The following CDH13 variants were observed in gnomAD, a reference collection of about 807,000 sequenced individuals.
CDH13 encodes the protein cadherin 13, also known as cadherin-13.
In CDH13, 24 loss-of-function variants were observed where a neutral mutation model predicts 63.8. The ratio of observed to expected loss-of-function variants is 0.38; its 90% confidence interval spans 0.27 to 0.53. The LOEUF is 0.53. Among genes scored for constraint, CDH13 ranks in the 20% least tolerant of loss-of-function variants. CDH13 has a pLI of 0.85. For synonymous variants in CDH13, 503 were observed against 355.3 expected (o/e 1.42, Z -4.67); for missense variants, 1,049 against 903.1 (o/e 1.16, Z -2.07).
chr16:82,841,438 C>G (rs907848002), intron 1 of CDH13, among the ~76,000 whole-genome samples: 3 of 152,170 alleles, frequency 2.0e-5, no homozygotes, highest in African/African-American at 7.2e-5. Flanking sequence ...AATTGATTAT[C>G]CTGTAGTTTA....
chr16:82,887,872 G>A (rs972841526), intron 2 of CDH13, among the ~76,000 whole-genome samples: 1 of 151,832 alleles, frequency 6.6e-6, no homozygotes, highest in Admixed American at 6.6e-5. Flanking sequence ...TTTTCCAGCA[G>A]GTGAACCCAG....
intron 1 of CDH13, chr16:82,719,520 G>T (rs1249553536): frequency 2.2e-6 from 1 of 448,264 alleles, no homozygotes; most frequent in Non-Finnish European, 4.5e-6. Context: ...GTGGAGCTGG[G>T]GCTCCTTCCC....
At chr16:83,218,252 G>C (rs1462911323) in intron 5 of CDH13, among the ~76,000 whole-genome samples, 7 of 152,146 alleles carry the variant, frequency 4.6e-5, no homozygotes, top group Admixed American at 4.6e-4. Flanking sequence ...GACAGACATA[G>C]AGCAGTAGCA....
intron 5 of CDH13, among the ~76,000 whole-genome samples, chr16:83,265,944 T>G (rs1907566310): frequency 6.6e-6 from 1 of 151,998 alleles, no homozygotes; most frequent in Admixed American, 6.6e-5. Context: ...TTTTTGTTTA[T>G]TTCTGTTTTT....
chr16:82,914,540 C>G (rs1309193662), intron 2 of CDH13, among the ~76,000 whole-genome samples: 1 of 152,118 alleles, frequency 6.6e-6, no homozygotes, highest in Non-Finnish European at 1.5e-5. Context: ...CCAGACACTC[C>G]TAAGTAGTTA....
chr16:82,846,671 T>C (rs2039270038), intron 1 of CDH13, among the ~76,000 whole-genome samples: 1 of 152,254 alleles, frequency 6.6e-6, no homozygotes, highest in East Asian at 1.9e-4. Context: ...GGTTGTAGTT[T>C]ATTATATGTC....
intron 1 of CDH13, among the ~76,000 whole-genome samples, chr16:82,728,948 G>C (rs965837991): frequency 1.3e-5 from 2 of 152,126 alleles, no homozygotes; most frequent in Non-Finnish European, 2.9e-5. Context: ...CCAAGGAATA[G>C]AATCCATCTC....
chr16:83,211,025 G>A (rs1166757027), intron 4 of CDH13, among the ~76,000 whole-genome samples: 8 of 150,744 alleles, frequency 5.3e-5, no homozygotes, highest in African/African-American at 1.5e-4. Context: ...GCACGCACCT[G>A]TAGTCCCAGC....
intron 7 of CDH13, among the ~76,000 whole-genome samples, chr16:83,508,881 G>A (rs1272927031): frequency 3.6e-5 from 5 of 138,788 alleles, no homozygotes; most frequent in Non-Finnish European, 8.1e-5. Flanking sequence ...ACCGTGTAGA[G>A]CTGAGGTGTA....
intron 3 of CDH13, among the ~76,000 whole-genome samples, chr16:83,118,592 A>G (rs555479122): frequency 6.6e-6 from 1 of 152,040 alleles, no homozygotes; most frequent in South Asian, 2.1e-4. Flanking sequence ...GCTCACCCTC[A>G]TTTTCTCACT....
intron 10 of CDH13, among the ~76,000 whole-genome samples, chr16:83,723,972 G>T (rs1315205837): frequency 6.6e-6 from 1 of 152,196 alleles, no homozygotes; most frequent in Non-Finnish European, 1.5e-5. Context: ...GGTGGGTGAT[G>T]AATGCATGGA....
At chr16:83,357,013 C>T (rs769520728) in intron 6 of CDH13, among the ~76,000 whole-genome samples, 1 of 152,152 alleles carries the variant, frequency 6.6e-6, no homozygotes, top group Non-Finnish European at 1.5e-5. Context: ...TCTTTATCTC[C>T]TATGATACTA....
intron 6 of CDH13, among the ~76,000 whole-genome samples, chr16:83,440,577 G>C (rs1379520101): frequency 6.6e-6 from 1 of 152,112 alleles, no homozygotes; most frequent in African/African-American, 2.4e-5. Context: ...TTGAGGTCAG[G>C]AGTTCGAGAC....
chr16:83,619,334 T>G (rs1384755904), intron 8 of CDH13, among the ~76,000 whole-genome samples: 1 of 151,976 alleles, frequency 6.6e-6, no homozygotes, highest in East Asian at 1.9e-4. Context: ...TGGAAGAGGG[T>G]AAAGTCATAA....
At chr16:83,235,146 G>A (rs6565157) in intron 5 of CDH13, among the ~76,000 whole-genome samples, 86,096 of 151,990 alleles carry the variant, frequency 0.57, 26,880 homozygotes, top group East Asian at 0.85. Context: ...TCAAGGCTGC[G>A]GTGAACTATG....
chr16:82,638,316 C>G (rs908861608), intron 1 of CDH13, among the ~76,000 whole-genome samples: 2 of 152,188 alleles, frequency 1.3e-5, no homozygotes, highest in Admixed American at 6.5e-5. Context: ...AGCAGACCTC[C>G]TAGCCCTTTA....
chr16:83,460,974 T>C (rs974980171), intron 6 of CDH13, among the ~76,000 whole-genome samples: 1 of 121,256 alleles, frequency 8.2e-6, no homozygotes, highest in Admixed American at 8.7e-5. Flanking sequence ...AATTAGACCT[T>C]GTCTCAAAAC....
At chr16:83,761,531 A>T (rs1913967762) in intron 11 of CDH13, among the ~76,000 whole-genome samples, 1 of 152,340 alleles carries the variant, frequency 6.6e-6, no homozygotes, top group East Asian at 1.9e-4. Context: ...CAGAAAATGG[A>T]AATGAGGCAC....
At chr16:83,726,506 A>G (rs1281639131) in intron 10 of CDH13, 3 of 152,136 alleles carry the variant, frequency 2.0e-5, no homozygotes, top group African/African-American at 7.2e-5. Flanking sequence ...TTTGTTGAGT[A>G]TTTGCTAAAC....
Sources: allele counts gnomAD v4.1 joint callset (sites outside exome capture counted in the v4.1 genomes callset), GRCh38; gene constraint gnomAD v4.1.1; transcripts MANE v1.5; gene names NCBI Gene and HGNC (gene_info 2026-07-23, HGNC 2026-07-21).